USP1: variants seen among roughly 807,000 people sequenced by gnomAD.
USP1 encodes ubiquitin carboxyl-terminal hydrolase 1.
USP1 carries 18 observed loss-of-function variants against 72.2 expected under a neutral mutation model. The ratio of observed to expected loss-of-function variants is 0.25; its 90% CI spans 0.17 to 0.37. USP1 has a LOEUF of 0.37. Ranked by LOEUF, USP1 falls within the 10% of genes least tolerant of loss-of-function variation. The pLI, the probability that USP1 is intolerant of heterozygous loss-of-function variation, is 1.00. For missense variants in USP1, 759 were observed against 884.9 expected, an observed-to-expected ratio of 0.86 and a Z score of 1.81; for synonymous variants, 354 against 303.7, an observed-to-expected ratio of 1.17 and a Z score of -1.72.
chr1:62,438,573 A>G (rs556923897), intron 1 of USP1, among the ~76,000 whole-genome samples: 13 of 152,330 alleles, frequency 8.5e-5, no homozygotes, highest in Admixed American at 6.5e-4. Context: ...TGCATTTTAA[A>G]TTTGAAACTC....
intron 8 of USP1, 114 bp downstream of exon 8, chr1:62,448,780 A>AAGATTGCT (rs1645193756): frequency 1.8e-6 from 2 of 1,107,558 alleles, no homozygotes; most frequent in Non-Finnish European, 2.6e-6. Flanking sequence ...GTAGATTGTA[A>AAGATTGCT]AGATTGCTTC....
At chr1:62,440,652 A>G (rs1395418582) in intron 2 of USP1, among the ~76,000 whole-genome samples, 2 of 152,196 alleles carry the variant, frequency 1.3e-5, no homozygotes, top group Admixed American at 6.5e-5. Flanking sequence ...ATTTGGTCCC[A>G]TGTGTTAATT....
intron 6 of USP1, among the ~76,000 whole-genome samples, chr1:62,446,804 T>A (rs1645178108): frequency 6.6e-6 from 1 of 151,992 alleles, no homozygotes; most frequent in Non-Finnish European, 1.5e-5. Flanking sequence ...CTGACTTTTT[T>A]TTATTTTTTA....
chr1:62,445,839 C>T (rs1645168702), intron 6 of USP1, among the ~76,000 whole-genome samples: 1 of 152,062 alleles, frequency 6.6e-6, no homozygotes, highest in Non-Finnish European at 1.5e-5. Context: ...ATTAGCCAGG[C>T]ATGGTGGCGC....
intron 7 of USP1, 33 bp from the exon 8 acceptor site, chr1:62,448,432 G>T (rs936278951): frequency 1.9e-6 from 3 of 1,594,546 alleles, no homozygotes; most frequent in Non-Finnish European, 1.7e-6. Context: ...ATGCCTGAGA[G>T]AAGTATTTGA....
chr1:62,443,635 A>G (rs1365370566), intron 5 of USP1, among the ~76,000 whole-genome samples: 2 of 152,232 alleles, frequency 1.3e-5, no homozygotes, highest in East Asian at 1.9e-4. Flanking sequence ...AGTCGGTGAT[A>G]AATATTTTAC....
chr1:62,439,760 A>G (rs912609584), intron 1 of USP1, 39 bp from the exon 2 acceptor site: 8 of 1,052,502 alleles, frequency 7.6e-6, no homozygotes, highest in Non-Finnish European at 1.0e-5. Flanking sequence ...GCCAAAACTG[A>G]TAACCAAAAA....
intron 3 of USP1, 124 bp from the exon 4 acceptor site, chr1:62,442,071 C>A: frequency 1.5e-6 from 1 of 662,766 alleles, no homozygotes; most frequent in Non-Finnish European, 2.5e-6. Context: ...TGACACAAAA[C>A]TTAATCTCAG....
In USP1 at chr1:62,437,416, G is replaced by A. The variant is rs1164595018; in HGVS notation, c.-70+16G>A. The A allele has an allele frequency of 2.7e-6, 1 of 371,932 alleles. No homozygotes were observed. Among genetic ancestry groups the A allele is most frequent in the Non-Finnish European group, 4.8e-6 (1 of 209,576 alleles). 23.0% of individuals were successfully genotyped at this position (371,932 alleles called of 1,614,324 possible). ...CCATGACCAGGTAAGGAGGGCCTGG[G>A]AGGAGGGGCCGGCTCCCGGGCGCGG... is the stretch of plus-strand genomic sequence containing the variant. On this transcript the variant is annotated intron_variant, in intron 1 of 8. Transcript: ENST00000339950.
intron 6 of USP1, among the ~76,000 whole-genome samples, chr1:62,446,358 C>A (rs969454711): frequency 2.6e-5 from 4 of 151,106 alleles, no homozygotes; most frequent in Non-Finnish European, 1.5e-5. Flanking sequence ...AAAAAAAAAT[C>A]AAAAAAGTCT....
At chr1:62,439,077 G>A (rs1645114051) in intron 1 of USP1, among the ~76,000 whole-genome samples, 1 of 152,146 alleles carries the variant, frequency 6.6e-6, no homozygotes, top group South Asian at 2.1e-4. Flanking sequence ...AGGACTCATC[G>A]TCCAGCACTA....
At position 62,437,327 on chromosome 1, in the gene USP1, C is replaced by T. The variant is rs925517370; in HGVS notation, c.-143C>T. 3 of 396,172 alleles carry T rather than the reference C, an allele frequency of 7.6e-6. No homozygotes were observed. The highest frequency in any genetic ancestry group is 4.1e-5 in the African/African-American group (2 of 48,596). 24.5% of individuals were successfully genotyped at this position (396,172 alleles called of 1,614,324 possible). On this transcript the variant is annotated 5_prime_UTR_variant, in exon 1 of 9. Coordinates refer to ENST00000339950, the MANE Select transcript of USP1 (RefSeq NM_003368.5). ...CGGCGGGCTCGGGGCAGGGACTCAC[C>T]TGTCGCACCCACACTCATTCGGGTT...
At chr1:62,439,370 A>C (rs1645116247) in intron 1 of USP1, among the ~76,000 whole-genome samples, 3 of 152,120 alleles carry the variant, frequency 2.0e-5, no homozygotes, top group African/African-American at 7.2e-5. Context: ...TTTTTAGTAG[A>C]GATGGGGTTT....
chr1:62,439,250 T>C (rs539076453), intron 1 of USP1, among the ~76,000 whole-genome samples: 4 of 152,310 alleles, frequency 2.6e-5, no homozygotes, highest in Non-Finnish European at 5.9e-5. Flanking sequence ...AATGGCACGA[T>C]CTCGGCTCAC....
rs762792264 is a variant in USP1, at chr1:62,446,343, CAA to C, written c.1249+926_1249+927del. Among the ~76,000 whole-genome samples, 40 of 128,886 alleles carry C rather than the reference CAA, an allele frequency of 3.1e-4. No homozygotes were observed. The East Asian group carries it at 7.5e-3, about 24-fold the overall frequency. The allele number at this position is 128,886 out of a possible 152,430, so 84.6% of individuals were successfully genotyped here. On this transcript the variant is annotated intron_variant, in intron 6 of 8. Transcript: ENST00000339950. ...AATACACTAATGATAGCTGATGAGC[CAA>C]AAAAAAAAAAATCAAAAAAGTCTCA...
chr1:62,437,818 T>A (rs1464535096), intron 1 of USP1, among the ~76,000 whole-genome samples: 1 of 152,234 alleles, frequency 6.6e-6, no homozygotes, highest in African/African-American at 2.4e-5. Flanking sequence ...TTCTTTCACT[T>A]ACACTTTTTC....
chr1:62,442,323 A>C, intron 4 of USP1, 24 bp downstream of exon 4: 1 of 1,525,930 alleles, frequency 6.6e-7, no homozygotes, highest in East Asian at 2.3e-5. Context: ...AGAACAGAAA[A>C]TAATGTAAAA....
At position 62,448,465 on chromosome 1, in the gene USP1, T is replaced by C. The variant is rs761236183; in HGVS notation, c.1421T>C (p.Ile474Thr). 12 of 1,612,910 alleles carry C rather than the reference T, an allele frequency of 7.4e-6. No homozygotes were observed. In the South Asian group the frequency reaches 1.3e-4, roughly 18 times the overall value. Reference protein sequence around the residue: ...ELSKVEESSEISPEPKTEMKT... With the variant: ...ELSKVEESSETSPEPKTEMKT... The stretch of plus-strand genomic sequence containing the variant: ...TGAGTGAAAGGATTCTCTTTTTTAG[T>C]TTCTCCAGAGCCAAAAACAGAAATG... Residue 474 changes from isoleucine (I) to threonine (T), a missense_variant and splice_region_variant, in exon 8 of 9, where the codon ATT (isoleucine) becomes ACT (threonine). Ile to Thr is a moderately conservative substitution (Grantham distance 89, BLOSUM62 -1). Coordinates refer to ENST00000339950, the MANE Select transcript of USP1 (RefSeq NM_003368.5).
At chr1:62,439,056 C>T (rs973852404) in intron 1 of USP1, among the ~76,000 whole-genome samples, 6 of 152,150 alleles carry the variant, frequency 3.9e-5, no homozygotes, top group Admixed American at 1.3e-4. Context: ...CTAGAAAAGG[C>T]ATTGGAAGAG....
Sources: gnomAD v4.1 joint callset for allele counts (sites outside exome capture counted in the v4.1 genomes callset) on GRCh38, gnomAD v4.1.1 for gene constraint, MANE v1.5 for transcripts, NCBI Gene and HGNC (gene_info 2026-07-23, HGNC 2026-07-21) for gene names.